The following FAM180A variants were observed in gnomAD, a reference collection of about 807,000 sequenced individuals.
The protein encoded by FAM180A is family with sequence similarity 180 member A.
A neutral mutation model predicts 15.3 loss-of-function variants in FAM180A; 14 were observed. That is an observed-to-expected ratio of 0.92 (90% CI 0.61 to 1.43). The LOEUF is 1.43. Ranked by LOEUF, FAM180A falls within the 40% of genes most tolerant of loss-of-function variation. The pLI, the probability that FAM180A is intolerant of heterozygous loss-of-function variation, is 0.00. For synonymous variants in FAM180A, 90 were observed against 96.8 expected (o/e 0.93, Z 0.41); for missense variants, 200 against 220.8 (o/e 0.91, Z 0.60).
chr7:135,739,567 G>A lies in FAM180A; in HGVS notation c.77-2368C>T, dbSNP rs182558619. 2.5e-3 allele frequency among the ~76,000 whole-genome samples: 378 copies of A among 151,740 alleles called. 1 individual carries two copies. The highest frequency in any genetic ancestry group is 4.1e-3 in the Non-Finnish European group (282 of 67,974). On this transcript the variant is annotated intron_variant, in intron 1 of 3. Transcript: ENST00000338588. ...GCGGAGCTTGCAGTGAGCCAAGATC[G>A]CGCCACTGCACTACAGCCTGGGTGA... is the stretch of plus-strand genomic sequence containing the variant.
Position 135,730,066 on chromosome 7 carries a change from A to G in FAM180A, c.*545T>C. 2 of 985,394 alleles carry G rather than the reference A, an allele frequency of 2.0e-6. No homozygotes were observed. Among genetic ancestry groups the G allele is most frequent in the Non-Finnish European group, 2.4e-6 (2 of 829,926 alleles). 61.0% of individuals were successfully genotyped at this position (985,394 alleles called of 1,614,324 possible). ...GATTAGGAAAGTAAGGGGTGTTGTAAAAAGTCATTTAACAAGCATTTGATT... is the reference window on the plus strand; with the variant it reads ...GATTAGGAAAGTAAGGGGTGTTGTAGAAAGTCATTTAACAAGCATTTGATT... On this transcript the variant is annotated 3_prime_UTR_variant, in exon 4 of 4. Transcript: ENST00000338588.
intron 1 of FAM180A, among the ~76,000 whole-genome samples, chr7:135,745,639 A>G (rs577941666): frequency 6.6e-6 from 1 of 152,126 alleles, no homozygotes; most frequent in Non-Finnish European, 1.5e-5. Context: ...GGAATCCTAG[A>G]GAGCGCTTAG....
intron 3 of FAM180A, among the ~76,000 whole-genome samples, chr7:135,731,626 T>C (rs1424588285): frequency 1.3e-5 from 2 of 152,090 alleles, no homozygotes; most frequent in Non-Finnish European, 2.9e-5. Flanking sequence ...AAAAAAAGCA[T>C]ATATCAGAAT....
At chr7:135,730,963 A>AT (rs33979475) in intron 3 of FAM180A, among the ~76,000 whole-genome samples, 34,777 of 150,872 alleles carry the variant, frequency 0.23, 4,305 homozygotes, top group Admixed American at 0.33. Flanking sequence ...TCTTTTTTCT[A>AT]TTTTTTTTTC....
At chr7:135,737,269 GA>G (rs1326081095) in intron 1 of FAM180A, 70 bp from the exon 2 acceptor site, 3 of 1,245,578 alleles carry the variant, frequency 2.4e-6, no homozygotes, top group Non-Finnish European at 3.3e-6. Context: ...GATCCACCTT[GA>G]AGGTAGTCAA....
chr7:135,737,443 C>T (rs746096724), intron 1 of FAM180A, among the ~76,000 whole-genome samples: 1 of 151,776 alleles, frequency 6.6e-6, no homozygotes, highest in East Asian at 1.9e-4. Flanking sequence ...AAAAAACAGC[C>T]GGGCATGGTG....
At chr7:135,744,037 C>T (rs1025586821) in intron 1 of FAM180A, among the ~76,000 whole-genome samples, 6 of 152,074 alleles carry the variant, frequency 3.9e-5, no homozygotes, top group South Asian at 2.1e-4. Context: ...TGGGCCTGGA[C>T]GAAGCTAGTT....
chr7:135,737,453 G>A (rs1024980145), intron 1 of FAM180A, among the ~76,000 whole-genome samples: 5 of 151,970 alleles, frequency 3.3e-5, no homozygotes, highest in African/African-American at 1.2e-4. Context: ...CGGGCATGGT[G>A]GCGGGTGCCT....
chr7:135,737,166 C>G lies in FAM180A; in HGVS notation c.110G>C (p.Arg37Thr). The change falls in exon 2 of 4, where the codon AGG becomes ACG. Residue 37 changes from arginine (R) to threonine (T), a missense_variant. Physicochemically the swap from Arg to Thr is moderately conservative, Grantham distance 71. Coordinates refer to ENST00000338588, the MANE Select transcript of FAM180A (RefSeq NM_205855.4). ...TGGGTTCAATGGCAGTGATGAGGAC[C>G]TCTTTGGCCGGTGGGCGGCAGGGAA... ...VLFPAAHRPK[R>T]SSSLPLNPVL... The G allele has an allele frequency of 1.2e-6, 2 of 1,608,164 alleles. No homozygotes were observed. The highest frequency in any genetic ancestry group is 1.7e-6 in the Non-Finnish European group (2 of 1,178,196).
intron 3 of FAM180A, among the ~76,000 whole-genome samples, chr7:135,732,087 A>G (rs1034801548): frequency 1.6e-4 from 25 of 152,218 alleles, no homozygotes; most frequent in Non-Finnish European, 3.2e-4. Context: ...TTAACATAGA[A>G]TTATAACAAA....
rs35800497 is a variant in FAM180A, at chr7:135,741,515, C to CA, written c.77-4317dup. Among the ~76,000 whole-genome samples, 328 of 135,232 alleles carry CA rather than the reference C, an allele frequency of 2.4e-3. 2 individuals are homozygous for CA. Among genetic ancestry groups the CA allele is most frequent in the African/African-American group, 5.9e-3 (223 of 37,622 alleles). The allele number at this position is 135,232 out of a possible 152,430, so 88.7% of individuals were successfully genotyped here. A position where few individuals can be genotyped will look rare whatever the true frequency, so the allele number is the denominator to read the frequency against. On this transcript the variant is annotated intron_variant, in intron 1 of 3. Coordinates refer to ENST00000338588, the MANE Select transcript of FAM180A (RefSeq NM_205855.4). ...TGGGTGACAGACTGAGACTCTGTCT[C>CA]AAAAAAAAAAAAAAAATGTAAGTGT...
chr7:135,736,455 A>G (rs1364271087), intron 2 of FAM180A, among the ~76,000 whole-genome samples: 1 of 152,210 alleles, frequency 6.6e-6, no homozygotes, highest in East Asian at 1.9e-4. Flanking sequence ...GCCCAGAGAG[A>G]AACAGTGGCT....
intron 2 of FAM180A, 129 bp downstream of exon 2, chr7:135,736,970 C>CTATT (rs1796880920): frequency 1.4e-6 from 1 of 718,098 alleles, no homozygotes; most frequent in South Asian, 1.6e-5. Context: ...ACAAATTAGG[C>CTATT]TATTCCCTAC....
rs1219731970 is a variant in FAM180A at position 135,743,947 on chromosome 7, G to A, written c.76+4558C>T. 3.3e-5 allele frequency among the ~76,000 whole-genome samples: 5 copies of A among 152,008 alleles called. No homozygotes were observed. In the East Asian group the frequency reaches 9.6e-4, roughly 29 times the overall value. On this transcript the variant is annotated intron_variant, in intron 1 of 3. Coordinates refer to ENST00000338588, the MANE Select transcript of FAM180A (RefSeq NM_205855.4). ...AATCTAGAGTTTATTTGTGGTTCTC[G>A]GTCTTGGCTAATGATCAGAAAGTAG... is the stretch of plus-strand genomic sequence containing the variant.
At position 135,739,634 on chromosome 7, in the gene FAM180A, A is replaced by G. The variant is rs141883245; in HGVS notation, c.77-2435T>C. On this transcript the variant is annotated intron_variant, in intron 1 of 3. Coordinates refer to ENST00000338588, the MANE Select transcript of FAM180A (RefSeq NM_205855.4). Reference sequence around the variant, plus strand: ...CTCAAAAACAAAAACAAAAAAAGGCAGGGAAGGATGGAAATCATTTTAGAA... The same window carrying G: ...CTCAAAAACAAAAACAAAAAAAGGCGGGGAAGGATGGAAATCATTTTAGAA... Among the ~76,000 whole-genome samples the G allele has an allele frequency of 7.2e-3, 1,087 of 150,642 alleles. 10 individuals are homozygous for G. The highest frequency in any genetic ancestry group is 0.045 in the Middle Eastern group (13 of 292).
chr7:135,746,324 A>C (rs1797032189), intron 1 of FAM180A, among the ~76,000 whole-genome samples: 1 of 152,182 alleles, frequency 6.6e-6, no homozygotes, highest in Non-Finnish European at 1.5e-5. Flanking sequence ...GCAATAGCTA[A>C]TATTTATATT....
At chr7:135,731,506 C>T (rs772768997) in intron 3 of FAM180A, among the ~76,000 whole-genome samples, 26 of 151,144 alleles carry the variant, frequency 1.7e-4, no homozygotes, top group Middle Eastern at 3.2e-3. Flanking sequence ...GAATTGGGCC[C>T]AAATATACAG....
intron 1 of FAM180A, among the ~76,000 whole-genome samples, chr7:135,742,449 C>G (rs575627945): frequency 1.3e-5 from 2 of 152,186 alleles, no homozygotes. Flanking sequence ...CCCCAGGAAG[C>G]CTTTCCTGAG....
rs989291554 is a variant in FAM180A at position 135,734,230 on chromosome 7, G to C, written c.267C>G (p.Phe89Leu). The change falls in exon 3 of 4, where the codon TTC becomes TTG. Residue 89 changes from phenylalanine (F) to leucine (L), a missense_variant. Phe to Leu is a conservative substitution (Grantham distance 22). Coordinates refer to ENST00000338588, the MANE Select transcript of FAM180A (RefSeq NM_205855.4). ...ELASLRKASDFRTVCNNVIPK... is the reference protein window; with the variant it reads ...ELASLRKASDLRTVCNNVIPK... ...GGATGACGTTGTTGCAGACGGTGCG[G>C]AAGTCTGAGGCCTTCCGCAAGGAGG... 6.2e-7 allele frequency: 1 copy of C among 1,614,232 alleles called. No homozygotes were observed.
Sources: allele counts gnomAD v4.1 joint callset (sites outside exome capture counted in the v4.1 genomes callset), GRCh38; gene constraint gnomAD v4.1.1; transcripts MANE v1.5; gene names NCBI Gene and HGNC (gene_info 2026-07-23, HGNC 2026-07-21).